The following COPS3 variants were observed in gnomAD, a reference collection of about 807,000 sequenced individuals.
COPS3 encodes the protein COP9 signalosome complex subunit 3.
COPS3 carries 10 observed loss-of-function variants against 58.2 expected under a neutral mutation model. The ratio of observed to expected loss-of-function variants is 0.17; its 90% CI spans 0.11 to 0.29. COPS3 has a LOEUF of 0.29. Ranked by LOEUF, COPS3 falls within the 10% of genes least tolerant of loss-of-function variation. COPS3 has a pLI of 1.00. For missense variants in COPS3, 333 were observed against 510.1 expected, an observed-to-expected ratio of 0.65 and a Z score of 3.34; for synonymous variants, 187 against 181.7, an observed-to-expected ratio of 1.03 and a Z score of -0.24.
At chr17:17,263,054 C>T (rs978632631) in intron 6 of COPS3, among the ~76,000 whole-genome samples, 7 of 151,562 alleles carry the variant, frequency 4.6e-5, no homozygotes, top group African/African-American at 9.7e-5. Flanking sequence ...TTTGGGAGGC[C>T]GAGGCGGGCG....
chr17:17,275,979 A>C, intron 2 of COPS3, 56 bp downstream of exon 2: 3 of 1,438,008 alleles, frequency 2.1e-6, no homozygotes, highest in Non-Finnish European at 2.8e-6. Flanking sequence ...AAAGCCAGGA[A>C]GTGCACAGTG....
At chr17:17,275,583 T>G (rs1192898759) in intron 2 of COPS3, among the ~76,000 whole-genome samples, 1 of 152,192 alleles carries the variant, frequency 6.6e-6, no homozygotes, top group Non-Finnish European at 1.5e-5. Flanking sequence ...AACTTTAGTT[T>G]TGCAAAAGAG....
Position 17,270,972 on chromosome 17 carries a change from G to C in COPS3, c.222C>G (p.Phe74Leu). 6.2e-7 allele frequency: 1 copy of C among 1,613,896 alleles called. No individual in the cohort carries two copies. Among genetic ancestry groups the C allele is most frequent in the Non-Finnish European group, 8.5e-7 (1 of 1,179,950 alleles). Reference protein sequence around the residue: ...VKFSMPSVPDFETLFSQVQLF... With the variant: ...VKFSMPSVPDLETLFSQVQLF... Reference sequence around the variant, plus strand: ...GCTGAACCTGTGAGAATAGCGTTTCGAAGTCAGGAACACTGGGCATAGAAA... The same window carrying C: ...GCTGAACCTGTGAGAATAGCGTTTCCAAGTCAGGAACACTGGGCATAGAAA... The change falls in exon 3 of 12, where the codon TTC (phenylalanine) becomes TTG (leucine). Residue 74 changes from phenylalanine to leucine, a missense_variant. By Grantham distance (22) the Phe-to-Leu change is conservative. Coordinates refer to ENST00000268717, the MANE Select transcript of COPS3 (RefSeq NM_003653.4).
intron 9 of COPS3, among the ~76,000 whole-genome samples, chr17:17,249,676 G>C (rs1190839521): frequency 6.6e-6 from 1 of 152,166 alleles, no homozygotes; most frequent in Non-Finnish European, 1.5e-5. Flanking sequence ...ATTTTTAGTA[G>C]AGACAGGGTT....
At position 17,270,596 on chromosome 17, in the gene COPS3, G is replaced by T. The variant is rs544200560; in HGVS notation, c.348+162C>A. 5.0e-4 allele frequency among the ~76,000 whole-genome samples: 76 copies of T among 151,934 alleles called. 1 individual carries two copies. Among genetic ancestry groups the T allele is most frequent in the Non-Finnish European group, 1.0e-3 (69 of 68,010 alleles). On this transcript the variant is annotated intron_variant, in intron 4 of 11. Transcript: ENST00000268717. The stretch of plus-strand genomic sequence containing the variant: ...CTCCACCTCATTCAGGGGATGCGGG[G>T]ACTGCCTGAGCTTACAGCAATGGCT...
rs377403839 is a variant in COPS3 at position 17,270,901 on chromosome 17, T to A, written c.293A>T (p.Asp98Val). ...CNGEHIRYAT[D>V]TFAGLCHQLT... The stretch of plus-strand genomic sequence containing the variant: ...TAAAATGTTATTTAGCTTACAAGTG[T>A]CTGTTGCATATCGAATGTGCTCCCC... The change falls in exon 3 of 12, where the codon GAC becomes GTC. Residue 98 changes from aspartate to valine, a missense_variant. By Grantham distance (152) the Asp-to-Val change is radical. Transcript: ENST00000268717. 5.0e-6 allele frequency: 8 copies of A among 1,612,976 alleles called. No individual in the cohort carries two copies. The highest frequency in any genetic ancestry group is 6.8e-6 in the Non-Finnish European group (8 of 1,179,420).
rs759666547 is a variant in COPS3 at position 17,260,406 on chromosome 17, G to C, written c.831C>G (p.Asn277Lys). ...YSTNNPSELR[N>K]LVNKHSETFT... ...AGGTTTCACTGTGCTTATTCACCAG[G>C]TTTCGGAGTTCTGAGGGGTTGTTGG... The change falls in exon 8 of 12, where the codon AAC (asparagine) becomes AAG (lysine). Residue 277 changes from asparagine (N) to lysine (K), a missense_variant. Coordinates refer to ENST00000268717, the MANE Select transcript of COPS3 (RefSeq NM_003653.4). The C allele has an allele frequency of 1.9e-6, 3 of 1,614,166 alleles. No individual in the cohort carries two copies. The highest frequency in any genetic ancestry group is 2.5e-6 in the Non-Finnish European group (3 of 1,180,032).
intron 9 of COPS3, among the ~76,000 whole-genome samples, chr17:17,249,867 A>T (rs1269721256): frequency 1.3e-5 from 2 of 152,118 alleles, no homozygotes; most frequent in African/African-American, 4.8e-5. Context: ...ACCTCAAGTG[A>T]TCTACCTGCC....
chr17:17,251,161 AT>A (rs1309723806), intron 9 of COPS3, among the ~76,000 whole-genome samples: 2 of 151,748 alleles, frequency 1.3e-5, no homozygotes, highest in African/African-American at 2.4e-5. Context: ...CGCCTGGCTA[AT>A]TTTTTGTACT....
intron 2 of COPS3, 57 bp from the exon 3 acceptor site, chr17:17,271,065 A>T: frequency 8.3e-7 from 1 of 1,205,290 alleles, no homozygotes. Flanking sequence ...TAAAATACAG[A>T]AACAATGTAT....
intron 1 of COPS3, among the ~76,000 whole-genome samples, chr17:17,277,648 G>C (rs2048488978): frequency 6.6e-6 from 1 of 152,110 alleles, no homozygotes; most frequent in Non-Finnish European, 1.5e-5. Context: ...TCTAACTCCT[G>C]GGCTCAAGCA....
At chr17:17,281,099 G>A (rs2048576005) in intron 1 of COPS3, 33 bp downstream of exon 1, 4 of 1,596,622 alleles carry the variant, frequency 2.5e-6, no homozygotes, top group Admixed American at 3.5e-5. Flanking sequence ...CCCGGTACCC[G>A]CCCATGCCCA....
intron 2 of COPS3, among the ~76,000 whole-genome samples, chr17:17,274,429 T>TTC (rs1268669547): frequency 7.4e-5 from 2 of 27,188 alleles, no homozygotes; most frequent in East Asian, 8.2e-3. Context: ...AGCTTTTCTT[T>TTC]TTTTTTTTTT....
chr17:17,276,084 G>A lies in COPS3; in HGVS notation c.136C>T (p.Leu46Phe). ...TGTTCTTGTACATCCAGAGCCCCGAGCACAGTGTCCAGATGGGATAAGTTC... is the reference window on the plus strand; with the variant it reads ...TGTTCTTGTACATCCAGAGCCCCGAACACAGTGTCCAGATGGGATAAGTTC... ...AKNLSHLDTVLGALDVQEHSL... is the reference protein window; with the variant it reads ...AKNLSHLDTVFGALDVQEHSL... Residue 46 changes from leucine to phenylalanine, a missense_variant, in exon 2 of 12, where the codon CTC (leucine) becomes TTC (phenylalanine). Transcript: ENST00000268717. The A allele has an allele frequency of 6.2e-7, 1 of 1,614,142 alleles. No homozygotes were observed. Among genetic ancestry groups the A allele is most frequent in the Non-Finnish European group, 8.5e-7 (1 of 1,180,016 alleles).
At chr17:17,277,411 C>T (rs180909084) in intron 1 of COPS3, among the ~76,000 whole-genome samples, 1 of 152,198 alleles carries the variant, frequency 6.6e-6, no homozygotes, top group Admixed American at 6.5e-5. Flanking sequence ...TACTGCAATA[C>T]TATGTTTGTT....
At chr17:17,262,980 C>T (rs1386387816) in intron 6 of COPS3, among the ~76,000 whole-genome samples, 1 of 151,450 alleles carries the variant, frequency 6.6e-6, no homozygotes, top group Non-Finnish European at 1.5e-5. Flanking sequence ...ACTGCAACCT[C>T]CATCTCCTGG....
chr17:17,247,663 T>G, intron 10 of COPS3, 103 bp from the exon 11 acceptor site: 25 of 1,141,730 alleles, frequency 2.2e-5, no homozygotes, highest in Middle Eastern at 2.8e-4. Context: ...TCACAATCTC[T>G]TGATGTGAAA....
chr17:17,266,715 C>T (rs1393007545), intron 5 of COPS3, among the ~76,000 whole-genome samples: 5 of 151,908 alleles, frequency 3.3e-5, no homozygotes, highest in African/African-American at 4.8e-5. Context: ...AGGAGAATTG[C>T]TTGAACCTGG....
At position 17,246,977 on chromosome 17, in the gene COPS3, A is replaced by C; in HGVS notation, c.*121T>G. 1.1e-6 allele frequency: 1 copy of C among 895,386 alleles called. No homozygotes were observed. Among genetic ancestry groups the C allele is most frequent in the East Asian group, 2.4e-5 (1 of 41,504 alleles). The allele number at this position is 895,386 out of a possible 1,614,324, so 55.5% of individuals were successfully genotyped here. A position where few individuals can be genotyped will look rare whatever the true frequency, so the allele number is the denominator to read the frequency against. On this transcript the variant is annotated 3_prime_UTR_variant, in exon 12 of 12. Coordinates refer to ENST00000268717, the MANE Select transcript of COPS3 (RefSeq NM_003653.4). The stretch of plus-strand genomic sequence containing the variant: ...AAGCACACAGGACTGAAGATGTCAA[A>C]ACAAAACTTAATTTCTTAGTCTCCA...
Sources: gnomAD v4.1 joint callset for allele counts (sites outside exome capture counted in the v4.1 genomes callset) on GRCh38, gnomAD v4.1.1 for gene constraint, MANE v1.5 for transcripts, NCBI Gene and HGNC (gene_info 2026-07-23, HGNC 2026-07-21) for gene names.